Variants in LNX2 observed in about 807,000 individuals in gnomAD.
LNX2 encodes the protein ligand of Numb protein X 2.
A neutral mutation model predicts 66.2 loss-of-function variants in LNX2; 35 were observed. That is an observed-to-expected ratio of 0.53 (90% CI 0.40 to 0.70). The LOEUF is 0.70. Ranked by LOEUF, LNX2 falls within the 30% of genes least tolerant of loss-of-function variation. The probability of loss-of-function intolerance (pLI) is 0.00; values close to 1 mark genes in which losing one functional copy is unlikely to be tolerated. For missense variants in LNX2, 791 were observed against 850.8 expected, an observed-to-expected ratio of 0.93 and a Z score of 0.87; for synonymous variants, 337 against 315.6, an observed-to-expected ratio of 1.07 and a Z score of -0.72.
chr13:27,583,407 G>A (rs1256568123), intron 1 of LNX2, among the ~76,000 whole-genome samples: 3 of 151,926 alleles, frequency 2.0e-5, no homozygotes, highest in Non-Finnish European at 4.4e-5. Context: ...ACAGATGCCC[G>A]CCACCACACC....
chr13:27,571,961 A>C (rs754264324), intron 2 of LNX2, among the ~76,000 whole-genome samples: 5 of 152,232 alleles, frequency 3.3e-5, no homozygotes, highest in Non-Finnish European at 7.3e-5. Flanking sequence ...GAAACTTGAG[A>C]CTTAACCAAC....
chr13:27,559,966 T>A lies in LNX2; in HGVS notation c.1244A>T (p.Asn415Ile). The A allele has an allele frequency of 1.2e-6, 2 of 1,607,672 alleles. No individual in the cohort carries two copies. The highest frequency in any genetic ancestry group is 2.2e-5 in the East Asian group (1 of 44,768). ...TTTCCCTGGTCTAGCAATTGTTAAA[T>A]TCACTCTCTCTCCACTGGCCTGGAG... is the stretch of plus-strand genomic sequence containing the variant. ...QIIQASGERV[N>I]LTIARPGKPQ... The change falls in exon 6 of 10, where the codon AAT (asparagine) becomes ATT (isoleucine). Residue 415 changes from asparagine (N) to isoleucine (I), a missense_variant. Transcript: ENST00000316334.
intron 1 of LNX2, among the ~76,000 whole-genome samples, chr13:27,583,220 G>GTGCGCGCGCGTCCTCTCCTATATAAC (rs1555268483): frequency 1.1e-4 from 2 of 18,436 alleles, no homozygotes; most frequent in African/African-American, 6.8e-4. Flanking sequence ...GTGTGTGTGT[G>GTGCGCGCGCGTCCTCTCCTATATAAC]TGTGTGTGTG....
chr13:27,573,217 C>A (rs937400355), intron 2 of LNX2, among the ~76,000 whole-genome samples: 1 of 152,166 alleles, frequency 6.6e-6, no homozygotes, highest in African/African-American at 2.4e-5. Context: ...AGGAGGCTGG[C>A]AGACACTGGA....
chr13:27,583,463 G>C (rs1302964079), intron 1 of LNX2, among the ~76,000 whole-genome samples: 1 of 151,872 alleles, frequency 6.6e-6, no homozygotes, highest in African/African-American at 2.4e-5. Context: ...TCACCATATT[G>C]GCCAGGCGGG....
chr13:27,607,136 CATATT>C (rs1432823324), intron 1 of LNX2, among the ~76,000 whole-genome samples: 1 of 152,172 alleles, frequency 6.6e-6, no homozygotes, highest in Non-Finnish European at 1.5e-5. Context: ...ATTGTTTACA[CATATT>C]CTATTCAAGC....
chr13:27,548,843 T>A (rs1324063726), intron 9 of LNX2, among the ~76,000 whole-genome samples: 1 of 152,178 alleles, frequency 6.6e-6, no homozygotes, highest in East Asian at 1.9e-4. Context: ...AGCTCATACA[T>A]CTGAGGGCTG....
intron 1 of LNX2, among the ~76,000 whole-genome samples, chr13:27,605,110 C>A (rs1221791878): frequency 6.6e-6 from 1 of 152,106 alleles, no homozygotes; most frequent in Admixed American, 6.5e-5. Flanking sequence ...TACTCTTTAA[C>A]CCCCTTACCC....
chr13:27,579,192 T>C (rs954866501), intron 2 of LNX2, among the ~76,000 whole-genome samples: 1 of 151,980 alleles, frequency 6.6e-6, no homozygotes, highest in Non-Finnish European at 1.5e-5. Context: ...TTGAATGTTG[T>C]ATAATATACA....
chr13:27,553,669 A>G (rs1233578014), intron 7 of LNX2, among the ~76,000 whole-genome samples: 1 of 152,176 alleles, frequency 6.6e-6, no homozygotes, highest in African/African-American at 2.4e-5. Context: ...ACATAGAAAA[A>G]AGTGTGGCCT....
rs773914850 is a variant in LNX2, at chr13:27,581,503, A to G, written c.201T>C (p.His67=). 3.7e-6 allele frequency: 6 copies of G among 1,613,454 alleles called. No homozygotes were observed. In the African/African-American group the frequency reaches 5.3e-5, roughly 14 times the overall value. The stretch of plus-strand genomic sequence containing the variant: ...TTCTGAGGCACTTGTAGCAGAATGT[A>G]TGTCCACAGGGTGTGTCTAGTGGCT... ...LLQPLDTPCG[H]TFCYKCLRNF... is the part of the protein sequence containing the mutation. Residue 67 remains histidine (H), a synonymous_variant, in exon 2 of 10, where the codon CAT becomes CAC. Transcript: ENST00000316334.
intron 1 of LNX2, among the ~76,000 whole-genome samples, chr13:27,597,200 C>T (rs564157810): frequency 3.9e-5 from 6 of 152,244 alleles, no homozygotes; most frequent in African/African-American, 7.2e-5. Flanking sequence ...ACAATAAAAA[C>T]GGCACTCAAT....
intron 6 of LNX2, among the ~76,000 whole-genome samples, chr13:27,556,801 C>A (rs899088180): frequency 1.3e-5 from 2 of 152,190 alleles, no homozygotes; most frequent in African/African-American, 4.8e-5. Context: ...TCCCCCATTT[C>A]TTTGACAGAA....
At chr13:27,564,856 A>G (rs1409846028) in intron 4 of LNX2, among the ~76,000 whole-genome samples, 5 of 152,166 alleles carry the variant, frequency 3.3e-5, no homozygotes, top group Non-Finnish European at 7.4e-5. Context: ...GCCTCTTTCC[A>G]AGTGTTTACT....
Position 27,554,391 on chromosome 13 carries a change from T to C in LNX2, c.1547-952A>G, listed in dbSNP as rs73446820. Among the ~76,000 whole-genome samples, 1,431 of 152,296 alleles carry C rather than the reference T, an allele frequency of 9.4e-3. 22 individuals carry two copies. The highest frequency in any genetic ancestry group is 0.033 in the African/African-American group (1,369 of 41,560). On this transcript the variant is annotated intron_variant, in intron 7 of 9. Transcript: ENST00000316334. ...GAGAACATTTTAATCACTCCCTCTA[T>C]ACCCATCATTTCCCTTCCCCAACCC... is the stretch of plus-strand genomic sequence containing the variant.
intron 4 of LNX2, among the ~76,000 whole-genome samples, chr13:27,565,587 TATC>T (rs1334741481): frequency 9.2e-5 from 14 of 152,186 alleles, no homozygotes; most frequent in Admixed American, 8.5e-4. Context: ...AAAGTACTAA[TATC>T]ATAAAATGCA....
At chr13:27,556,484 C>T in intron 6 of LNX2, 71 bp from the exon 7 acceptor site, 1 of 1,265,232 alleles carries the variant, frequency 7.9e-7, no homozygotes, top group Non-Finnish European at 1.1e-6. Context: ...TTACTTCAAA[C>T]TAAGGTAATA....
intron 1 of LNX2, among the ~76,000 whole-genome samples, chr13:27,617,604 G>A (rs1286508849): frequency 6.6e-6 from 1 of 152,196 alleles, no homozygotes; most frequent in Non-Finnish European, 1.5e-5. Context: ...AATATTCAAT[G>A]TCAACACTTC....
At chr13:27,596,436 G>A (rs982133691) in intron 1 of LNX2, among the ~76,000 whole-genome samples, 5 of 151,984 alleles carry the variant, frequency 3.3e-5, no homozygotes, top group African/African-American at 1.2e-4. Flanking sequence ...TTCTAACAAA[G>A]CCAAATCACC....
Sources: gnomAD v4.1 joint callset for allele counts (sites outside exome capture counted in the v4.1 genomes callset) on GRCh38, gnomAD v4.1.1 for gene constraint, MANE v1.5 for transcripts, NCBI Gene and HGNC (gene_info 2026-07-23, HGNC 2026-07-21) for gene names.